The following CPXM2 variants were observed in gnomAD, a reference collection of about 807,000 sequenced individuals.
CPXM2 encodes the protein carboxypeptidase X, M14 family member 2, also known as inactive carboxypeptidase-like protein X2.
CPXM2 carries 66 observed loss-of-function variants against 86.1 expected under a neutral mutation model. The observed-to-expected ratio is 0.77, with a 90% CI of 0.63 to 0.94. The LOEUF (loss-of-function observed/expected upper bound fraction) is 0.94, where lower values mean the gene tolerates loss of function less well. Among genes scored for constraint, CPXM2 ranks in the 40% least tolerant of loss-of-function variants. The pLI is 0.00. For missense variants in CPXM2, 948 were observed against 1,026.3 expected (o/e 0.92, Z 1.04); for synonymous variants, 388 against 400.2 (o/e 0.97, Z 0.36).
chr10:123,892,526 C>T (rs1026339106), upstream of CPXM2, among the ~76,000 whole-genome samples: 1 of 152,200 alleles, frequency 6.6e-6, no homozygotes, highest in African/African-American at 2.4e-5. Context: ...AGGCCCATGG[C>T]CCTGCGGCTT....
chr10:123,875,342 G>A (rs534975918), intron 2 of CPXM2, among the ~76,000 whole-genome samples: 12 of 152,274 alleles, frequency 7.9e-5, no homozygotes, highest in Admixed American at 1.3e-4. Context: ...CCTAACCACC[G>A]TCTGTCAAGA....
chr10:123,836,084 T>A (rs1214974508), intron 4 of CPXM2, among the ~76,000 whole-genome samples: 1 of 151,904 alleles, frequency 6.6e-6, no homozygotes, highest in Admixed American at 6.6e-5. Context: ...TGCCTCCTCA[T>A]CTCCTCTCCC....
In CPXM2 at chr10:123,880,085, C is replaced by T. The variant is rs972604946; in HGVS notation, c.403+126G>A. 1.8e-5 allele frequency: 11 copies of T among 625,266 alleles called. No homozygotes were observed. In the African/African-American group the frequency reaches 2.0e-4, roughly 11 times the overall value. The allele number at this position is 625,266 out of a possible 1,614,324, so 38.7% of individuals were successfully genotyped here. Reference sequence around the variant, plus strand: ...CCGCACCATGGATCGGAATAGACAGCAGGCCCCAGGCAGCCCCACACTCGG... The same window carrying T: ...CCGCACCATGGATCGGAATAGACAGTAGGCCCCAGGCAGCCCCACACTCGG... On this transcript the variant is annotated intron_variant, in intron 2 of 13. Transcript: ENST00000241305.
chr10:123,794,774 T>C (rs902496514), intron 6 of CPXM2, among the ~76,000 whole-genome samples: 5 of 135,098 alleles, frequency 3.7e-5, no homozygotes, highest in Admixed American at 2.1e-4. Context: ...TGTGTGCGCA[T>C]GTGTGTGTGT....
chr10:123,751,287 A>AC (rs1309544154), intron 13 of CPXM2, among the ~76,000 whole-genome samples: 1 of 151,850 alleles, frequency 6.6e-6, no homozygotes, highest in East Asian at 1.9e-4. Context: ...AACATTGTCG[A>AC]CCCCCCGAGT....
At chr10:123,766,767 A>G (rs1846484838) in intron 10 of CPXM2, among the ~76,000 whole-genome samples, 2 of 152,224 alleles carry the variant, frequency 1.3e-5, no homozygotes, top group African/African-American at 4.8e-5. Flanking sequence ...AAGAAATACA[A>G]TTAGATGATT....
At chr10:123,770,329 G>C (rs1846598678) in intron 8 of CPXM2, among the ~76,000 whole-genome samples, 1 of 152,142 alleles carries the variant, frequency 6.6e-6, no homozygotes, top group South Asian at 2.1e-4. Context: ...ACCACTTCCG[G>C]AGAGGAACTC....
At chr10:123,808,038 T>G (rs898918196) in intron 4 of CPXM2, among the ~76,000 whole-genome samples, 7 of 152,162 alleles carry the variant, frequency 4.6e-5, no homozygotes, top group African/African-American at 1.7e-4. Context: ...TCTCCCTCAC[T>G]TAAAAAATTT....
chr10:123,785,688 A>G (rs1161556694), intron 6 of CPXM2, among the ~76,000 whole-genome samples: 1 of 150,080 alleles, frequency 6.7e-6, no homozygotes, highest in Non-Finnish European at 1.5e-5. Context: ...GCTGGAGTAC[A>G]GAGGCGCGAT....
chr10:123,788,013 C>T (rs1441192022), intron 6 of CPXM2, among the ~76,000 whole-genome samples: 1 of 152,004 alleles, frequency 6.6e-6, no homozygotes, highest in African/African-American at 2.4e-5. Flanking sequence ...AGAGCGGTGG[C>T]TCATGCCTGT....
At chr10:123,785,182 T>C (rs538398650) in intron 6 of CPXM2, among the ~76,000 whole-genome samples, 3 of 152,346 alleles carry the variant, frequency 2.0e-5, no homozygotes, top group African/African-American at 7.2e-5. Context: ...TTGTGCATTT[T>C]GTCCAATTCT....
intron 3 of CPXM2, among the ~76,000 whole-genome samples, chr10:123,862,281 C>T (rs1848866066): frequency 6.6e-6 from 1 of 152,206 alleles, no homozygotes; most frequent in African/African-American, 2.4e-5. Context: ...TGCCACGGCT[C>T]TGCCCCGCCA....
Position 123,861,625 on chromosome 10 carries a change from A to G in CPXM2, c.513+989T>C, listed in dbSNP as rs1848850781. On this transcript the variant is annotated intron_variant, in intron 3 of 13. Coordinates refer to ENST00000241305, the MANE Select transcript of CPXM2 (RefSeq NM_198148.3). ...CAAAAGGGGAACAAGAAATCAGAACAGAGAACCAGACAGGCAGTCACATGA... is the reference window on the plus strand; with the variant it reads ...CAAAAGGGGAACAAGAAATCAGAACGGAGAACCAGACAGGCAGTCACATGA... 2.0e-5 allele frequency among the ~76,000 whole-genome samples: 3 copies of G among 152,168 alleles called. No individual in the cohort carries two copies. The South Asian group carries it at 6.2e-4, about 32-fold the overall frequency.
intron 4 of CPXM2, among the ~76,000 whole-genome samples, chr10:123,830,199 C>G (rs1234163106): frequency 6.6e-6 from 1 of 152,062 alleles, no homozygotes; most frequent in Non-Finnish European, 1.5e-5. Context: ...GTGCCATAAG[C>G]AAAGTGACAA....
intron 11 of CPXM2, among the ~76,000 whole-genome samples, chr10:123,757,741 G>A (rs57968438): frequency 0.034 from 5,168 of 152,258 alleles, 102 homozygotes; most frequent in African/African-American, 0.06. Context: ...CTCTACAGTT[G>A]TGCTGTCTCA....
intron 2 of CPXM2, among the ~76,000 whole-genome samples, chr10:123,867,865 G>A (rs1439745872): frequency 6.6e-6 from 1 of 152,180 alleles, no homozygotes; most frequent in African/African-American, 2.4e-5. Context: ...TCTACTCAAT[G>A]TCCAAAATGA....
chr10:123,752,854 G>A (rs906805245), intron 13 of CPXM2, among the ~76,000 whole-genome samples: 6 of 152,134 alleles, frequency 3.9e-5, no homozygotes, highest in African/African-American at 9.7e-5. Context: ...CAGGGTGCTC[G>A]TAATACATTG....
At chr10:123,771,473 T>A (rs927720939) in intron 7 of CPXM2, among the ~76,000 whole-genome samples, 6 of 152,172 alleles carry the variant, frequency 3.9e-5, no homozygotes, top group African/African-American at 1.4e-4. Context: ...TGTTTGCCCA[T>A]CTGCCATGGG....
intron 4 of CPXM2, among the ~76,000 whole-genome samples, chr10:123,809,530 A>G (rs1437646895): frequency 6.6e-6 from 1 of 152,192 alleles, no homozygotes; most frequent in Non-Finnish European, 1.5e-5. Context: ...ATAAATAGAT[A>G]TAAATACACT....
Sources: allele counts gnomAD v4.1 joint callset (sites outside exome capture counted in the v4.1 genomes callset), GRCh38; gene constraint gnomAD v4.1.1; transcripts MANE v1.5; gene names NCBI Gene and HGNC (gene_info 2026-07-23, HGNC 2026-07-21).